ASIC2: variants seen among roughly 807,000 people sequenced by gnomAD.
ASIC2 encodes acid-sensing ion channel 2.
Under a neutral mutation model 57.3 loss-of-function variants are expected in ASIC2, and 25 were observed. The observed-to-expected ratio is 0.44, with a 90% CI of 0.32 to 0.61. The LOEUF is 0.61. Ranked by LOEUF, ASIC2 falls within the 20% of genes least tolerant of loss-of-function variation. The pLI, the probability that ASIC2 is intolerant of heterozygous loss-of-function variation, is 0.06. For missense variants in ASIC2, 641 were observed against 738.1 expected (o/e 0.87, Z 1.52); for synonymous variants, 319 against 307.5 (o/e 1.04, Z -0.39).
intron 1 of ASIC2, among the ~76,000 whole-genome samples, chr17:33,366,842 T>A (rs1908827454): frequency 1.3e-5 from 2 of 152,232 alleles, no homozygotes; most frequent in Admixed American, 6.5e-5. Context: ...TGGACAAAAC[T>A]GAAATTGGGC....
At chr17:33,413,117 C>T (rs1188939170) in intron 1 of ASIC2, among the ~76,000 whole-genome samples, 3 of 152,260 alleles carry the variant, frequency 2.0e-5, no homozygotes, top group South Asian at 2.1e-4. Flanking sequence ...AGGAGCATCA[C>T]GCTTTCCCCC....
intron 1 of ASIC2, among the ~76,000 whole-genome samples, chr17:33,726,852 C>T (rs1203819094): frequency 5.3e-5 from 8 of 152,210 alleles, no homozygotes; most frequent in Non-Finnish European, 5.9e-5. Context: ...TGATTATAGA[C>T]ACCTCAGGGC....
chr17:33,699,578 C>G (rs150343125), intron 1 of ASIC2, among the ~76,000 whole-genome samples: 6 of 152,198 alleles, frequency 3.9e-5, no homozygotes, highest in Non-Finnish European at 7.3e-5. Flanking sequence ...CTACCTTTCT[C>G]CTTGTGGACA....
chr17:33,268,364 TCC>T (rs1909557105), intron 1 of ASIC2, among the ~76,000 whole-genome samples: 1 of 151,266 alleles, frequency 6.6e-6, no homozygotes, highest in Non-Finnish European at 1.5e-5. Flanking sequence ...CATCCATCCA[TCC>T]ATCCATCCAT....
intron 1 of ASIC2, among the ~76,000 whole-genome samples, chr17:33,233,531 C>T (rs1177769759): frequency 2.7e-5 from 4 of 147,970 alleles, no homozygotes; most frequent in African/African-American, 1.0e-4. Flanking sequence ...CACACACACA[C>T]ACACACACAC....
At chr17:33,140,417 A>G (rs1346438138) in intron 1 of ASIC2, among the ~76,000 whole-genome samples, 4 of 152,250 alleles carry the variant, frequency 2.6e-5, no homozygotes, top group African/African-American at 7.2e-5. Context: ...CAGCTCTGCT[A>G]CTGATTATCC....
intron 1 of ASIC2, among the ~76,000 whole-genome samples, chr17:33,282,813 C>T (rs1905011710): frequency 6.6e-6 from 1 of 152,156 alleles, no homozygotes; most frequent in South Asian, 2.1e-4. Flanking sequence ...TCCATCTCCT[C>T]TCACTCTGAT....
At chr17:33,440,737 A>G (rs1371031415) in intron 1 of ASIC2, among the ~76,000 whole-genome samples, 2 of 152,224 alleles carry the variant, frequency 1.3e-5, no homozygotes, top group African/African-American at 4.8e-5. Flanking sequence ...ATTTTCATAT[A>G]CTTATTAACT....
chr17:34,085,522 G>C (rs1401726390), intron 1 of ASIC2, among the ~76,000 whole-genome samples: 3 of 152,174 alleles, frequency 2.0e-5, no homozygotes, highest in Non-Finnish European at 4.4e-5. Flanking sequence ...GTCTCTGCCA[G>C]GCTTTGGTAT....
At chr17:33,861,654 C>T (rs1291239513) in intron 1 of ASIC2, among the ~76,000 whole-genome samples, 1 of 152,208 alleles carries the variant, frequency 6.6e-6, no homozygotes. Context: ...CCCATCCTTT[C>T]TGCCTCTGAG....
At chr17:33,229,077 T>C (rs1329231241) in intron 1 of ASIC2, among the ~76,000 whole-genome samples, 3 of 152,126 alleles carry the variant, frequency 2.0e-5, no homozygotes, top group African/African-American at 4.8e-5. Context: ...GACATTTCCC[T>C]TGAGACTGGA....
chr17:33,338,054 G>A (rs144929127), intron 1 of ASIC2, among the ~76,000 whole-genome samples: 166 of 151,154 alleles, frequency 1.1e-3, no homozygotes, highest in Non-Finnish European at 1.9e-3. Context: ...AGAGGATGGA[G>A]ATGTTCCTTC....
intron 1 of ASIC2, among the ~76,000 whole-genome samples, chr17:34,143,956 CAGACTA>C (rs1009660094): frequency 6.6e-6 from 1 of 152,074 alleles, no homozygotes; most frequent in African/African-American, 2.4e-5. Flanking sequence ...CAACACAAAA[CAGACTA>C]AGACTAAGAC....
intron 1 of ASIC2, among the ~76,000 whole-genome samples, chr17:33,622,741 C>T (rs139850754): frequency 1.1e-4 from 16 of 152,284 alleles, no homozygotes; most frequent in Non-Finnish European, 1.8e-4. Context: ...TGGCAAATAG[C>T]GTATGTTCAA....
At position 33,268,918 on chromosome 17, in the gene ASIC2, C is replaced by T. The variant is rs116051827; in HGVS notation, c.708+22490G>A. On this transcript the variant is annotated intron_variant, in intron 1 of 9. Transcript: ENST00000225823. The stretch of plus-strand genomic sequence containing the variant: ...CTTTCCTCCAGCCCACACTTCCTAA[C>T]GCAAATACATTGTGTGACCTTGGGC... 4.5e-3 allele frequency among the ~76,000 whole-genome samples: 688 copies of T among 152,306 alleles called. 6 individuals are homozygous for T. Among genetic ancestry groups the T allele is most frequent in the African/African-American group, 0.016 (657 of 41,556 alleles).
In ASIC2 at chr17:33,612,905, C is replaced by T. The variant is rs146209632; in HGVS notation, c.556-500838G>A. Among the ~76,000 whole-genome samples, 650 of 152,266 alleles carry T rather than the reference C, an allele frequency of 4.3e-3. 2 individuals carry two copies. Among genetic ancestry groups the T allele is most frequent in the African/African-American group, 0.015 (625 of 41,560 alleles). On this transcript the variant is annotated intron_variant, in intron 1 of 9. Transcript: ENST00000359872. The stretch of plus-strand genomic sequence containing the variant: ...TGTTGTACTGGCTCCCTGGGTAAGT[C>T]CATTATCTCTTCTGTTCCAAATTTG...
intron 1 of ASIC2, among the ~76,000 whole-genome samples, chr17:33,926,281 C>T (rs376014998): frequency 3.3e-5 from 5 of 152,090 alleles, no homozygotes; most frequent in Non-Finnish European, 7.3e-5. Context: ...AAAAACCTTG[C>T]GGAAGTATTA....
chr17:33,234,582 C>T (rs1182775714), intron 1 of ASIC2, among the ~76,000 whole-genome samples: 1 of 152,200 alleles, frequency 6.6e-6, no homozygotes, highest in African/African-American at 2.4e-5. Context: ...AACAAAAGCA[C>T]CTTAGACTGT....
intron 1 of ASIC2, among the ~76,000 whole-genome samples, chr17:33,867,505 A>G (rs890434995): frequency 2.3e-4 from 35 of 152,356 alleles, no homozygotes; most frequent in African/African-American, 8.2e-4. Context: ...ATCCAATTCC[A>G]AAGACTGGGC....
Sources: gnomAD v4.1 joint callset for allele counts (sites outside exome capture counted in the v4.1 genomes callset) on GRCh38, gnomAD v4.1.1 for gene constraint, MANE v1.5 for transcripts, NCBI Gene and HGNC (gene_info 2026-07-23, HGNC 2026-07-21) for gene names.